STRN4: variants seen among roughly 807,000 people sequenced by gnomAD.
The protein encoded by STRN4 is striatin-4.
A neutral mutation model predicts 77.9 loss-of-function variants in STRN4; 27 were observed. The observed-to-expected ratio is 0.35, with a 90% CI of 0.26 to 0.48. The LOEUF is 0.48. STRN4 is among the 20% of genes least tolerant of loss of function. STRN4 has a pLI of 0.99. For missense variants in STRN4, 798 were observed against 1,049.7 expected (o/e 0.76, Z 3.31); for synonymous variants, 466 against 443.1 (o/e 1.05, Z -0.65).
In STRN4 at chr19:46,736,879, C is replaced by T. The variant is rs770533568; in HGVS notation, c.483G>A (p.Ser161=). Residue 161 remains serine (S), a synonymous_variant, in exon 4 of 18, where the codon TCG becomes TCA. Transcript: ENST00000263280. ...CCAACGGGCTGTTCTCCAGGGTGAC[C>T]GATTCCACGGGGCCATTGGAGACTG... The part of the protein sequence containing the change: ...SEQVSNGPVE[S]VTLENSPLVW... The T allele has an allele frequency of 4.7e-5, 75 of 1,612,776 alleles. 2 individuals are homozygous for T. In the South Asian group the frequency reaches 6.2e-4, roughly 13 times the overall value.
chr19:46,728,530 T>C (rs913257909), intron 7 of STRN4, 88 bp downstream of exon 7: 14 of 1,498,130 alleles, frequency 9.3e-6, no homozygotes, highest in Non-Finnish European at 1.3e-5. Context: ...AGAGACCCTG[T>C]ACAGGAAGCA....
At position 46,725,457 on chromosome 19, in the gene STRN4, A is replaced by G. The variant is rs775891311; in HGVS notation, c.1424+16T>C. On this transcript the variant is annotated intron_variant, in intron 10 of 17. Transcript: ENST00000263280. ...CCAGATGCCCCTGCCCCCGGCTCTG[A>G]GCTTGCTGCCCTCACTTCTTGGCCG... The G allele has an allele frequency of 6.2e-7, 1 of 1,613,576 alleles. No homozygotes were observed. Among genetic ancestry groups the G allele is most frequent in the South Asian group, 1.1e-5 (1 of 91,074 alleles).
At chr19:46,720,864 C>T (rs1020510695) in intron 16 of STRN4, 93 bp from the exon 17 acceptor site, 2 of 1,384,068 alleles carry the variant, frequency 1.4e-6, no homozygotes, top group African/African-American at 1.5e-5. Flanking sequence ...CCAAAGGCCT[C>T]AGGGGAAGTG....
At chr19:46,737,127 C>G (rs1445099807) in intron 3 of STRN4, among the ~76,000 whole-genome samples, 1 of 152,132 alleles carries the variant, frequency 6.6e-6, no homozygotes, top group Non-Finnish European at 1.5e-5. Context: ...CCAAACTGGC[C>G]CCCGACAAGA....
At chr19:46,726,431 C>A (rs1057112119) in intron 9 of STRN4, among the ~76,000 whole-genome samples, 1 of 151,404 alleles carries the variant, frequency 6.6e-6, no homozygotes, top group South Asian at 2.1e-4. Context: ...GATCATTTGA[C>A]CCCAGGAGTT....
At chr19:46,743,294 CTAACT>C (rs1816592236) in intron 1 of STRN4, among the ~76,000 whole-genome samples, 1 of 152,146 alleles carries the variant, frequency 6.6e-6, no homozygotes, top group South Asian at 2.1e-4. Flanking sequence ...TGAATTTTTA[CTAACT>C]TAACAGAATA....
At chr19:46,724,711 C>G in intron 12 of STRN4, 96 bp downstream of exon 12, 1 of 1,563,358 alleles carries the variant, frequency 6.4e-7, no homozygotes, top group Non-Finnish European at 8.7e-7. Context: ...CTGAGGCCTG[C>G]AGTGTTGGCA....
chr19:46,721,712 G>A (rs541743759), intron 16 of STRN4: 51 of 423,812 alleles, frequency 1.2e-4, no homozygotes, highest in Middle Eastern at 1.4e-3. Context: ...GTTACAAAGC[G>A]TCTGGGCATC....
chr19:46,722,780 A>C, intron 14 of STRN4, 30 bp downstream of exon 14: 1 of 1,611,862 alleles, frequency 6.2e-7, no homozygotes, highest in Non-Finnish European at 8.5e-7. Flanking sequence ...CACTGAGACC[A>C]ATTCCATGAG....
Position 46,730,881 on chromosome 19 carries a change from A to C in STRN4, c.738-8T>G, listed in dbSNP as rs766855789. 56 of 1,609,452 alleles carry C rather than the reference A, an allele frequency of 3.5e-5. No homozygotes were observed. The highest frequency in any genetic ancestry group is 4.6e-5 in the Non-Finnish European group (54 of 1,179,706). On this transcript the variant is annotated splice_region_variant and splice_polypyrimidine_tract_variant and intron_variant, in intron 5 of 17. Coordinates refer to ENST00000263280, the MANE Select transcript of STRN4 (RefSeq NM_013403.3). ...TCTTTGCCTGCCGCGTTCCTGCCAA[A>C]GACAGCAGAGCAGAGGAGGCATGAG...
In STRN4 at chr19:46,720,731, T is replaced by G; in HGVS notation, c.2133A>C (p.Lys711Asn). Residue 711 changes from lysine to asparagine, a missense_variant, in exon 17 of 18, where the codon AAA (lysine) becomes AAC (asparagine). This residue lies in a region of STRN4 where 287 missense variants were observed against 473.8 expected (regional missense o/e 0.61). Transcript: ENST00000263280. ...GGGCCGTGATCTCCTGCACGCACGTTTTGTTGTCCAGGCTCCAGAGACGCA... is the reference window on the plus strand; with the variant it reads ...GGGCCGTGATCTCCTGCACGCACGTGTTGTTGTCCAGGCTCCAGAGACGCA... ...CSLRLWSLDN[K>N]TCVQEITAHR... 1.2e-6 allele frequency: 2 copies of G among 1,606,406 alleles called. No individual in the cohort carries two copies. Among genetic ancestry groups the G allele is most frequent in the Non-Finnish European group, 1.7e-6 (2 of 1,175,628 alleles).
At chr19:46,742,015 A>G (rs1210264958) in intron 1 of STRN4, among the ~76,000 whole-genome samples, 1 of 152,138 alleles carries the variant, frequency 6.6e-6, no homozygotes, top group Non-Finnish European at 1.5e-5. Flanking sequence ...CAGATCCCTC[A>G]TTAAAAGGTC....
intron 1 of STRN4, among the ~76,000 whole-genome samples, chr19:46,744,690 C>G (rs1002884347): frequency 1.3e-5 from 2 of 151,914 alleles, no homozygotes; most frequent in African/African-American, 2.4e-5. Context: ...CCATCCCTAC[C>G]GACACAATTC....
rs1030595467 is a variant in STRN4, at chr19:46,732,892, CAG to C, written c.737+145_737+146del. On this transcript the variant is annotated intron_variant, in intron 5 of 17. Coordinates refer to ENST00000263280, the MANE Select transcript of STRN4 (RefSeq NM_013403.3). ...GGGGGATCCCAGCAGTGAAGGGACT[CAG>C]GGTTTCAGAACAAGGGAGCCCACGG... The C allele has an allele frequency of 3.0e-5, 28 of 939,658 alleles. No homozygotes were observed. The African/African-American group carries it at 4.2e-4, about 14-fold the overall frequency. 58.2% of individuals were successfully genotyped at this position (939,658 alleles called of 1,614,324 possible). A position where few individuals can be genotyped will look rare whatever the true frequency, so the allele number is the denominator to read the frequency against.
Position 46,738,387 on chromosome 19 carries a change from G to T in STRN4, c.387-150C>A, listed in dbSNP as rs761508197. Reference sequence around the variant, plus strand: ...GCTGAAGCATCCCCCCACACCCCTGGCCTGGTGGAAGAAACCACTCCCTGG... The same window carrying T: ...GCTGAAGCATCCCCCCACACCCCTGTCCTGGTGGAAGAAACCACTCCCTGG... On this transcript the variant is annotated intron_variant, in intron 2 of 17. Coordinates refer to ENST00000263280, the MANE Select transcript of STRN4 (RefSeq NM_013403.3). This position sits in a 1 kb window ranked among gnomAD's most constrained non-coding sequence, Gnocchi z 4.5. 7.2e-5 allele frequency: 58 copies of T among 801,878 alleles called. No individual in the cohort carries two copies. The highest frequency in any genetic ancestry group is 4.7e-5 in the Non-Finnish European group (23 of 485,968). 49.7% of individuals were successfully genotyped at this position (801,878 alleles called of 1,614,324 possible). A position where few individuals can be genotyped will look rare whatever the true frequency, so the allele number is the denominator to read the frequency against.
rs374822659 is a variant in STRN4 at position 46,738,265 on chromosome 19, G to C, written c.387-28C>G. On this transcript the variant is annotated intron_variant, in intron 2 of 17. Transcript: ENST00000263280. This position sits in a 1 kb window ranked among gnomAD's most constrained non-coding sequence, Gnocchi z 4.5. ...AAAAGAGCAAATGATTAATGAATAA[G>C]AGATGCGGGAGAGTAGACAGGGTCA... The C allele has an allele frequency of 3.1e-6, 5 of 1,598,736 alleles. No homozygotes were observed. The African/African-American group carries it at 6.7e-5, about 21-fold the overall frequency.
At chr19:46,724,370 G>A (rs73565179) in intron 12 of STRN4, among the ~76,000 whole-genome samples, 4,460 of 150,864 alleles carry the variant, frequency 0.03, 191 homozygotes, top group African/African-American at 0.087. Flanking sequence ...GCCCCAACGC[G>A]CTCCAGCCTG....
chr19:46,728,979 C>T (rs948336400), intron 6 of STRN4: 30 of 607,796 alleles, frequency 4.9e-5, no homozygotes, highest in Non-Finnish European at 8.1e-5. Flanking sequence ...CCTGACCCCA[C>T]CCTCACGCAG....
intron 12 of STRN4, 127 bp downstream of exon 12, chr19:46,724,680 G>A: frequency 7.1e-7 from 1 of 1,404,648 alleles, no homozygotes; most frequent in Non-Finnish European, 9.8e-7. Context: ...AGAGCAGACA[G>A]GGGAGCCGTC....
Sources: gnomAD v4.1 joint callset for allele counts (sites outside exome capture counted in the v4.1 genomes callset) on GRCh38, gnomAD v4.1.1 for gene constraint, gnomAD v4.1.1 regional missense constraint, Gnocchi (gnomAD v3.1) non-coding constraint, MANE v1.5 for transcripts, NCBI Gene and HGNC (gene_info 2026-07-23, HGNC 2026-07-21) for gene names.